The following IQSEC1 variants were observed in gnomAD, a reference collection of about 807,000 sequenced individuals.
IQSEC1 encodes the protein IQ motif and SEC7 domain-containing protein 1.
IQSEC1 carries 31 observed loss-of-function variants against 91.0 expected under a neutral mutation model. The ratio of observed to expected loss-of-function variants is 0.34; its 90% CI spans 0.26 to 0.46. The LOEUF is 0.46. Ranked by LOEUF, IQSEC1 falls within the 20% of genes least tolerant of loss-of-function variation. The pLI is 1.00. For synonymous variants in IQSEC1, 699 were observed against 662.6 expected, an observed-to-expected ratio of 1.05 and a Z score of -0.84; for missense variants, 1,388 against 1,575.6, an observed-to-expected ratio of 0.88 and a Z score of 2.02.
chr3:12,934,269 A>G (rs1697965815), intron 3 of IQSEC1, among the ~76,000 whole-genome samples: 1 of 152,152 alleles, frequency 6.6e-6, no homozygotes, highest in Non-Finnish European at 1.5e-5. Flanking sequence ...AGCTGAGCAA[A>G]CCAGTAAGCC....
In IQSEC1 at chr3:12,908,236, G is replaced by T; in HGVS notation, c.2755+113C>A. The stretch of plus-strand genomic sequence containing the variant: ...TTTGCGGAAGGTCAGGGGAAATGCC[G>T]CACTGGCTTCGCCGCAGGCCCTGCC... On this transcript the variant is annotated intron_variant, in intron 12 of 13. Transcript: ENST00000613206. The surrounding 1 kb of genome is among the most constrained non-coding windows in gnomAD (Gnocchi z 4.9). 3.6e-6 allele frequency: 4 copies of T among 1,117,354 alleles called. No homozygotes were observed. Among genetic ancestry groups the T allele is most frequent in the African/African-American group, 1.5e-5 (1 of 64,634 alleles). The allele number at this position is 1,117,354 out of a possible 1,614,324, so 69.2% of individuals were successfully genotyped here.
chr3:13,279,622 C>T (rs940963937), intron 1 of IQSEC1, among the ~76,000 whole-genome samples: 2 of 152,222 alleles, frequency 1.3e-5, no homozygotes, highest in Admixed American at 6.5e-5. Context: ...TCCAACCCCC[C>T]TCGAGTCACT....
At chr3:13,021,289 C>A (rs1468306916) in intron 1 of IQSEC1, among the ~76,000 whole-genome samples, 2 of 152,206 alleles carry the variant, frequency 1.3e-5, no homozygotes, top group Non-Finnish European at 1.5e-5. Flanking sequence ...GGTGTCCCCT[C>A]CCCAGGGGGC....
rs185327925 is a variant in IQSEC1, at chr3:13,058,099, C to T, written c.23+14893G>A. Among the ~76,000 whole-genome samples, 568 of 152,242 alleles carry T rather than the reference C, an allele frequency of 3.7e-3. 1 individual carries two copies. Among genetic ancestry groups the T allele is most frequent in the Non-Finnish European group, 5.2e-3 (357 of 68,018 alleles). On this transcript the variant is annotated intron_variant, in intron 1 of 13. Coordinates refer to ENST00000613206, the MANE Select transcript of IQSEC1 (RefSeq NM_001134382.3). ...ACCAGCCTGGCCAACATGGTGAAAC[C>T]CTGTCTCAACTAAAAATACAAAAAA...
At chr3:13,106,773 C>T (rs1206000664) in intron 2 of IQSEC1, among the ~76,000 whole-genome samples, 1 of 152,218 alleles carries the variant, frequency 6.6e-6, no homozygotes, top group African/African-American at 2.4e-5. Flanking sequence ...ATAAAGTGAG[C>T]AACTGAGCAA....
intron 1 of IQSEC1, among the ~76,000 whole-genome samples, chr3:13,175,219 A>T (rs1463089722): frequency 6.6e-6 from 1 of 151,786 alleles, no homozygotes; most frequent in African/African-American, 2.4e-5. Flanking sequence ...CAGCTGTGTG[A>T]CTCTAGAGAG....
At chr3:12,925,708 G>A (rs1697063851) in intron 3 of IQSEC1, among the ~76,000 whole-genome samples, 1 of 152,252 alleles carries the variant, frequency 6.6e-6, no homozygotes, top group Non-Finnish European at 1.5e-5. Context: ...CAAGGTGTGT[G>A]CAGAACCAGG....
rs569132411 is a variant in IQSEC1 at position 13,197,426 on chromosome 3, GC to G, written c.273-33294del. Reference sequence around the variant, plus strand: ...AGCCTGGCAGACAGGACGTGCTGGTGCCCGGCCCCATCCTGAAGTGTCCCAG... The same window carrying G: ...AGCCTGGCAGACAGGACGTGCTGGTGCCGGCCCCATCCTGAAGTGTCCCAG... On this transcript the variant is annotated intron_variant, in intron 1 of 15. Transcript: ENST00000648114. 6.6e-5 allele frequency among the ~76,000 whole-genome samples: 10 copies of G among 152,292 alleles called. No homozygotes were observed. In the East Asian group the frequency reaches 1.9e-3, roughly 29 times the overall value.
intron 1 of IQSEC1, among the ~76,000 whole-genome samples, chr3:13,240,407 A>T (rs749847014): frequency 8.6e-5 from 13 of 152,042 alleles, no homozygotes; most frequent in Non-Finnish European, 2.9e-5. Flanking sequence ...TAAAACCCTG[A>T]GCCATTGTTT....
At chr3:13,067,891 A>AGATG (rs1250521785) in intron 1 of IQSEC1, among the ~76,000 whole-genome samples, 1 of 152,218 alleles carries the variant, frequency 6.6e-6, no homozygotes, top group Non-Finnish European at 1.5e-5. Flanking sequence ...GGCCCTGAGG[A>AGATG]GATGGTGCCA....
chr3:13,041,470 G>A (rs1704266278), intron 1 of IQSEC1, among the ~76,000 whole-genome samples: 1 of 152,194 alleles, frequency 6.6e-6, no homozygotes, highest in African/African-American at 2.4e-5. Context: ...AATGGCCGCA[G>A]ACTTCACAGA....
In IQSEC1 at chr3:13,050,765, G is replaced by T. The variant is rs190142880; in HGVS notation, c.23+22227C>A. 5.9e-5 allele frequency among the ~76,000 whole-genome samples: 9 copies of T among 152,178 alleles called. No individual in the cohort carries two copies. In the East Asian group the frequency reaches 1.2e-3, roughly 20 times the overall value. On this transcript the variant is annotated intron_variant, in intron 1 of 13. Coordinates refer to ENST00000613206, the MANE Select transcript of IQSEC1 (RefSeq NM_001134382.3). ...TTAAAACAGTGCCAAGAACAGAGTCGGCATTCCATAAAAGCTAGCTCTGAC... is the reference window on the plus strand; with the variant it reads ...TTAAAACAGTGCCAAGAACAGAGTCTGCATTCCATAAAAGCTAGCTCTGAC...
chr3:12,980,950 T>C (rs1415381316), intron 1 of IQSEC1, among the ~76,000 whole-genome samples: 1 of 152,222 alleles, frequency 6.6e-6, no homozygotes, highest in Non-Finnish European at 1.5e-5. Context: ...TTATACTCCT[T>C]CCCTCTGCAC....
chr3:13,076,658 G>A (rs1705567628), upstream of IQSEC1, among the ~76,000 whole-genome samples: 1 of 152,182 alleles, frequency 6.6e-6, no homozygotes, highest in East Asian at 1.9e-4. Context: ...CACCCCCGCT[G>A]CTCCGTTCCA....
Position 13,022,109 on chromosome 3 carries a change from C to T in IQSEC1, c.23+50883G>A, listed in dbSNP as rs181352860. 3.5e-4 allele frequency: 434 copies of T among 1,231,840 alleles called. 2 individuals carry two copies. The Admixed American group carries it at 0.015, about 42-fold the overall frequency. 76.3% of individuals were successfully genotyped at this position (1,231,840 alleles called of 1,614,324 possible). ...CTGCCATACCCCTTCATGCCTGGCT[C>T]GGTGGAGGAGCGAGTGGCCAAGGGG... is the stretch of plus-strand genomic sequence containing the variant. On this transcript the variant is annotated intron_variant, in intron 1 of 13. Transcript: ENST00000613206.
intron 1 of IQSEC1, among the ~76,000 whole-genome samples, chr3:13,240,905 TAC>T (rs897939662): frequency 2.6e-4 from 39 of 152,352 alleles, no homozygotes; most frequent in African/African-American, 9.1e-4. Flanking sequence ...CACACTGGAC[TAC>T]AGTCATTTGT....
At chr3:13,151,494 G>A (rs1037185390) in intron 2 of IQSEC1, among the ~76,000 whole-genome samples, 17 of 152,220 alleles carry the variant, frequency 1.1e-4, no homozygotes, top group African/African-American at 3.9e-4. Context: ...AAGGTGACAG[G>A]TCAGGGAAGT....
chr3:13,239,657 C>A (rs1480941823), intron 1 of IQSEC1, among the ~76,000 whole-genome samples: 1 of 152,250 alleles, frequency 6.6e-6, no homozygotes, highest in African/African-American at 2.4e-5. Context: ...TGAGGACAAA[C>A]CCTCGGAGCC....
intron 1 of IQSEC1, among the ~76,000 whole-genome samples, chr3:13,025,540 T>G (rs1703579825): frequency 6.6e-6 from 1 of 152,144 alleles, no homozygotes; most frequent in Non-Finnish European, 1.5e-5. Context: ...GGAAGCTTAG[T>G]GAGGGTCAGT....
Sources: allele counts gnomAD v4.1 joint callset (sites outside exome capture counted in the v4.1 genomes callset), GRCh38; gene constraint gnomAD v4.1.1; non-coding constraint Gnocchi (gnomAD v3.1); transcripts MANE v1.5; gene names NCBI Gene and HGNC (gene_info 2026-07-23, HGNC 2026-07-21).